Variants in FOXN3 observed in about 807,000 individuals in gnomAD.
The protein encoded by FOXN3 is forkhead box N3.
FOXN3 carries 7 observed loss-of-function variants against 38.4 expected under a neutral mutation model. The observed-to-expected ratio is 0.18, with a 90% CI of 0.10 to 0.34. The LOEUF is 0.34. Ranked by LOEUF, FOXN3 falls within the 10% of genes least tolerant of loss-of-function variation. FOXN3 has a pLI of 1.00. For missense variants in FOXN3, 456 were observed against 613.4 expected, an observed-to-expected ratio of 0.74 and a Z score of 2.71; for synonymous variants, 230 against 242.2, an observed-to-expected ratio of 0.95 and a Z score of 0.47.
intron 3 of FOXN3, among the ~76,000 whole-genome samples, chr14:89,313,407 A>C (rs759784268): frequency 6.6e-6 from 1 of 152,084 alleles, no homozygotes; most frequent in Non-Finnish European, 1.5e-5. Context: ...AAAATACGAA[A>C]ATTAGCTGGG....
intron 4 of FOXN3, among the ~76,000 whole-genome samples, chr14:89,236,842 C>T (rs970550761): frequency 1.3e-5 from 2 of 152,214 alleles, no homozygotes; most frequent in African/African-American, 2.4e-5. Flanking sequence ...ATCTTCTGCC[C>T]ACCAAGCATT....
chr14:89,426,904 T>G lies in FOXN3; in HGVS notation c.-14-14414A>C, dbSNP rs565353846. ...CCTAGGACATGAAGGACAGGACCCG[T>G]GGGGTACAAGGGAGACAAAATTGTG... On this transcript the variant is annotated intron_variant, in intron 1 of 6. Coordinates refer to the FOXN3 transcript ENST00000345097. Among the ~76,000 whole-genome samples, 18 of 152,030 alleles carry G rather than the reference T, an allele frequency of 1.2e-4. No homozygotes were observed. In the South Asian group the frequency reaches 3.5e-3, roughly 30 times the overall value.
rs774338279 is a variant in FOXN3, at chr14:89,412,487, G to C, written c.-11C>G. On this transcript the variant is annotated 5_prime_UTR_variant, in exon 2 of 6. Coordinates refer to ENST00000557258, the MANE Select transcript of FOXN3 (RefSeq NM_005197.4). This position sits in a 1 kb window ranked among gnomAD's most constrained non-coding sequence, Gnocchi z 4.7. The stretch of plus-strand genomic sequence containing the variant: ...CATGACTGGACCCATTTACGTGAAG[G>C]CTCCTAGTAAAGACATCACAAAGAA... 8 of 1,585,052 alleles carry C rather than the reference G, an allele frequency of 5.0e-6. No individual in the cohort carries two copies. Among genetic ancestry groups the C allele is most frequent in the South Asian group, 1.1e-5 (1 of 87,772 alleles).
At chr14:89,295,556 G>T (rs1396943321) in intron 3 of FOXN3, among the ~76,000 whole-genome samples, 2 of 152,146 alleles carry the variant, frequency 1.3e-5, no homozygotes, top group African/African-American at 4.8e-5. Context: ...CTCCTACACA[G>T]AATTATCTCA....
chr14:89,477,171 G>A (rs1298616092), intron 1 of FOXN3, among the ~76,000 whole-genome samples: 1 of 152,092 alleles, frequency 6.6e-6, no homozygotes, highest in East Asian at 1.9e-4. Context: ...TGTACTGTCT[G>A]TGTCCCCCAC....
At chr14:89,268,519 T>G (rs1020955169) in intron 4 of FOXN3, among the ~76,000 whole-genome samples, 1 of 152,144 alleles carries the variant, frequency 6.6e-6, no homozygotes, top group Non-Finnish European at 1.5e-5. Flanking sequence ...CAAGCTGGCT[T>G]AAGTATAAAG....
chr14:89,398,976 C>T (rs1468606790), intron 2 of FOXN3, among the ~76,000 whole-genome samples: 3 of 152,214 alleles, frequency 2.0e-5, no homozygotes, highest in Non-Finnish European at 4.4e-5. Flanking sequence ...AAGAGTAAAA[C>T]TTCATCTCAA....
chr14:89,303,568 G>T (rs1022816864), intron 3 of FOXN3, among the ~76,000 whole-genome samples: 1 of 151,252 alleles, frequency 6.6e-6, no homozygotes, highest in African/African-American at 2.4e-5. Context: ...TCATTTTGCA[G>T]CTAAGAACAC....
intron 4 of FOXN3, among the ~76,000 whole-genome samples, chr14:89,195,886 C>T (rs1235087877): frequency 6.6e-6 from 1 of 152,132 alleles, no homozygotes; most frequent in African/African-American, 2.4e-5. Context: ...CCATCAGTAC[C>T]TAAATCATTG....
At chr14:89,184,796 C>A (rs1486682553) in intron 4 of FOXN3, among the ~76,000 whole-genome samples, 1 of 152,224 alleles carries the variant, frequency 6.6e-6, no homozygotes, top group Non-Finnish European at 1.5e-5. Flanking sequence ...GTAAGCTCAT[C>A]ATCGTCATCG....
intron 1 of FOXN3, among the ~76,000 whole-genome samples, chr14:89,466,471 T>C (rs750369535): frequency 7.2e-5 from 11 of 152,230 alleles, no homozygotes; most frequent in South Asian, 2.1e-4. Context: ...ATAACTGTTT[T>C]GCCCAAGAGC....
At chr14:89,523,373 A>C (rs577374875) in intron 1 of FOXN3, among the ~76,000 whole-genome samples, 6 of 152,218 alleles carry the variant, frequency 3.9e-5, no homozygotes, top group Non-Finnish European at 8.8e-5. Context: ...AATACCAAAA[A>C]CACTACACTG....
intron 4 of FOXN3, among the ~76,000 whole-genome samples, chr14:89,187,291 CAT>C (rs763087669): frequency 6.6e-6 from 1 of 152,218 alleles, no homozygotes; most frequent in Non-Finnish European, 1.5e-5. Context: ...AGAGCCCAGC[CAT>C]AGCACCAGCC....
At chr14:89,513,887 T>C (rs930724008) in intron 1 of FOXN3, among the ~76,000 whole-genome samples, 1 of 149,332 alleles carries the variant, frequency 6.7e-6, no homozygotes, top group Non-Finnish European at 1.5e-5. Context: ...CTCTCTCTCT[T>C]TCCTTCTCTT....
At chr14:89,505,409 C>CGATT (rs1431882499) in intron 1 of FOXN3, among the ~76,000 whole-genome samples, 4 of 151,970 alleles carry the variant, frequency 2.6e-5, no homozygotes, top group Non-Finnish European at 5.9e-5. Context: ...CGAGTGCCTG[C>CGATT]GATTGCAGGC....
intron 1 of FOXN3, among the ~76,000 whole-genome samples, chr14:89,591,875 T>C (rs896311247): frequency 1.3e-5 from 2 of 152,064 alleles, no homozygotes; most frequent in Admixed American, 6.5e-5. Context: ...TACTGAGCTA[T>C]GATCATACCA....
At position 89,162,553 on chromosome 14, in the gene FOXN3, G is replaced by C. The variant is rs775441721; in HGVS notation, c.1268C>G (p.Pro423Arg). Residue 423 changes from proline (P) to arginine (R), a missense_variant, in exon 6 of 6, where the codon CCC becomes CGC. Coordinates refer to ENST00000557258, the MANE Select transcript of FOXN3 (RefSeq NM_005197.4). The surrounding 1 kb of genome is among the most constrained non-coding windows in gnomAD (Gnocchi z 7.2). Reference sequence around the variant, plus strand: ...CATCTCCTCATCATCGCTCTCGGGGGGCTTTTCGGTGCGTCTCTTTTTGAG... The same window carrying C: ...CATCTCCTCATCATCGCTCTCGGGGCGCTTTTCGGTGCGTCTCTTTTTGAG... ...LPLKKRRTEK[P>R]PESDDEEMKE... 1 of 1,613,956 alleles carries C rather than the reference G, an allele frequency of 6.2e-7. No homozygotes were observed. Among genetic ancestry groups the C allele is most frequent in the East Asian group, 2.2e-5 (1 of 44,852 alleles).
chr14:89,196,824 G>A (rs1475139814), intron 4 of FOXN3, among the ~76,000 whole-genome samples: 1 of 152,198 alleles, frequency 6.6e-6, no homozygotes, highest in South Asian at 2.1e-4. Flanking sequence ...AGTGGGAAGT[G>A]ACTTGGAGAG....
At chr14:89,569,478 G>A (rs1895445342) in intron 1 of FOXN3, among the ~76,000 whole-genome samples, 2 of 152,284 alleles carry the variant, frequency 1.3e-5, no homozygotes, top group South Asian at 2.1e-4. Context: ...TGAGGCGGCT[G>A]TGTGATCACA....
Sources: gnomAD v4.1 joint callset for allele counts (sites outside exome capture counted in the v4.1 genomes callset) on GRCh38, gnomAD v4.1.1 for gene constraint, Gnocchi (gnomAD v3.1) non-coding constraint, MANE v1.5 for transcripts, NCBI Gene and HGNC (gene_info 2026-07-23, HGNC 2026-07-21) for gene names.